The following SLC6A15 variants were observed in gnomAD, a reference collection of about 807,000 sequenced individuals.
The protein encoded by SLC6A15 is sodium-dependent neutral amino acid transporter B(0)AT2.
Under a neutral mutation model 68.5 loss-of-function variants are expected in SLC6A15, and 33 were observed. That is an observed-to-expected ratio of 0.48 (90% confidence interval 0.37 to 0.64). The LOEUF is 0.64. SLC6A15 is among the 30% of genes least tolerant of loss of function. The pLI is 0.00. For synonymous variants in SLC6A15, 347 were observed against 301.0 expected, an observed-to-expected ratio of 1.15 and a Z score of -1.58; for missense variants, 747 against 874.3, an observed-to-expected ratio of 0.85 and a Z score of 1.84.
At chr12:84,878,012 C>T (rs191238071) in intron 5 of SLC6A15, among the ~76,000 whole-genome samples, 5 of 152,142 alleles carry the variant, frequency 3.3e-5, no homozygotes, top group Non-Finnish European at 5.9e-5. Context: ...AGTGCCATAG[C>T]AGATGATGCT....
intron 10 of SLC6A15, among the ~76,000 whole-genome samples, chr12:84,866,254 T>A (rs1871059616): frequency 6.6e-6 from 1 of 152,152 alleles, no homozygotes; most frequent in Non-Finnish European, 1.5e-5. Context: ...CTATAAAAAG[T>A]ATTGGACAAA....
At chr12:84,907,880 G>A (rs1173850131) in intron 1 of SLC6A15, among the ~76,000 whole-genome samples, 2 of 152,104 alleles carry the variant, frequency 1.3e-5, no homozygotes. Context: ...CAATATACAT[G>A]ACTTAGATGA....
chr12:84,873,810 A>T (rs1871396882), intron 6 of SLC6A15, among the ~76,000 whole-genome samples: 1 of 152,218 alleles, frequency 6.6e-6, no homozygotes, highest in Admixed American at 6.5e-5. Flanking sequence ...AACTATTTGT[A>T]CTTTGCATAT....
At chr12:84,887,152 T>C (rs1425300167) in intron 2 of SLC6A15, among the ~76,000 whole-genome samples, 1 of 152,234 alleles carries the variant, frequency 6.6e-6, no homozygotes, top group African/African-American at 2.4e-5. Flanking sequence ...TTTTTTAATC[T>C]GCAGTTTTGT....
chr12:84,893,144 C>T (rs949674788), intron 1 of SLC6A15, among the ~76,000 whole-genome samples: 27 of 152,006 alleles, frequency 1.8e-4, no homozygotes, highest in African/African-American at 6.0e-4. Context: ...ATCAATGAAA[C>T]GTACAAAGCA....
intron 5 of SLC6A15, chr12:84,882,084 G>A: frequency 5.1e-6 from 5 of 985,310 alleles, no homozygotes; most frequent in Middle Eastern, 5.2e-4. Context: ...GATAAGAAAA[G>A]GATGAATAGT....
chr12:84,861,705 G>T lies in SLC6A15; in HGVS notation c.2120C>A (p.Ala707Asp), dbSNP rs1245360580. Reference sequence around the variant, plus strand: ...CCCTATTCCATACCGTCCATTGGGAGCAGTATCCAGAGTTGGGGATCCACT... The same window carrying T: ...CCCTATTCCATACCGTCCATTGGGATCAGTATCCAGAGTTGGGGATCCACT... ...KQSGSPTLDT[A>D]PNGRYGIGYL... Residue 707 changes from alanine to aspartate, a missense_variant, in exon 12 of 12, where the codon GCT (alanine) becomes GAT (aspartate). Physicochemically the swap from Ala to Asp is moderately radical, Grantham distance 126. Coordinates refer to ENST00000266682, the MANE Select transcript of SLC6A15 (RefSeq NM_182767.6). 6.2e-7 allele frequency: 1 copy of T among 1,613,926 alleles called. No homozygotes were observed. Among genetic ancestry groups the T allele is most frequent in the Admixed American group, 1.7e-5 (1 of 59,990 alleles).
intron 1 of SLC6A15, among the ~76,000 whole-genome samples, chr12:84,905,315 T>C (rs1446623012): frequency 1.3e-5 from 2 of 152,148 alleles, no homozygotes; most frequent in Non-Finnish European, 2.9e-5. Flanking sequence ...AAAAATCACA[T>C]GACTATATCT....
intron 1 of SLC6A15, among the ~76,000 whole-genome samples, chr12:84,903,871 G>A (rs1293990741): frequency 6.6e-6 from 1 of 151,996 alleles, no homozygotes; most frequent in Non-Finnish European, 1.5e-5. Flanking sequence ...TCTTTAGGAG[G>A]CATATACTAT....
At chr12:84,877,382 G>T (rs1263710217) in intron 5 of SLC6A15, among the ~76,000 whole-genome samples, 1 of 152,052 alleles carries the variant, frequency 6.6e-6, no homozygotes, top group Non-Finnish European at 1.5e-5. Flanking sequence ...CTGAATTGCT[G>T]GCTGCCCCTT....
chr12:84,888,208 G>C (rs1872210067), intron 2 of SLC6A15, among the ~76,000 whole-genome samples: 1 of 146,340 alleles, frequency 6.8e-6, no homozygotes, highest in Non-Finnish European at 1.5e-5. Context: ...AGGTTGCAGT[G>C]AGCTGAGATC....
chr12:84,871,913 G>A lies in SLC6A15; in HGVS notation c.1302+689C>T, dbSNP rs184616415. Among the ~76,000 whole-genome samples the A allele has an allele frequency of 8.2e-3, 1,251 of 152,238 alleles. 6 individuals are homozygous for A. The highest frequency in any genetic ancestry group is 0.014 in the Non-Finnish European group (930 of 68,020). On this transcript the variant is annotated intron_variant, in intron 8 of 11. Transcript: ENST00000266682. Reference sequence around the variant, plus strand: ...GAGGCCTGTAATCACAGCACTTTGGGAGGCCAAGGCGGGCAGATCATGAGG... The same window carrying A: ...GAGGCCTGTAATCACAGCACTTTGGAAGGCCAAGGCGGGCAGATCATGAGG...
chr12:84,883,606 C>CA lies in SLC6A15; in HGVS notation c.756+252dup. ...AAAAGAAAGGACTTTTAAGTATTCA[C>CA]AAAAATTTTAAAGATCTTGTTGAAA... On this transcript the variant is annotated intron_variant, in intron 5 of 11. Coordinates refer to ENST00000266682, the MANE Select transcript of SLC6A15 (RefSeq NM_182767.6). 2.9e-6 allele frequency: 4 copies of CA among 1,397,202 alleles called. No individual in the cohort carries two copies. The South Asian group carries it at 6.7e-5, about 23-fold the overall frequency. The allele number at this position is 1,397,202 out of a possible 1,614,324, so 86.6% of individuals were successfully genotyped here.
Position 84,891,972 on chromosome 12 carries a change from T to A in SLC6A15, c.149A>T (p.Asp50Val). Reference protein sequence around the residue: ...IVDGQEEKDTDVEEGSEVEDE... With the variant: ...IVDGQEEKDTVVEEGSEVEDE... The stretch of plus-strand genomic sequence containing the variant: ...TTCGACTTCAGATCCTTCTTCAACA[T>A]CTGTATCTTTCTCTTCCTGGCCATC... The change falls in exon 2 of 12, where the codon GAT becomes GTT. Residue 50 changes from aspartate to valine, a missense_variant. By Grantham distance (152) the Asp-to-Val change is radical. Coordinates refer to ENST00000266682, the MANE Select transcript of SLC6A15 (RefSeq NM_182767.6). 1.2e-6 allele frequency: 2 copies of A among 1,614,030 alleles called. No homozygotes were observed. Among genetic ancestry groups the A allele is most frequent in the Non-Finnish European group, 1.7e-6 (2 of 1,179,986 alleles).
chr12:84,890,835 T>C (rs967406685), intron 2 of SLC6A15, among the ~76,000 whole-genome samples: 2 of 152,178 alleles, frequency 1.3e-5, no homozygotes, highest in Non-Finnish European at 2.9e-5. Context: ...TCAATAAAAT[T>C]ATCACAAACT....
rs193287806 is a variant in SLC6A15 at position 84,878,925 on chromosome 12, C to T, written c.757-2318G>A. On this transcript the variant is annotated intron_variant, in intron 5 of 11. Coordinates refer to ENST00000266682, the MANE Select transcript of SLC6A15 (RefSeq NM_182767.6). ...CTTGCCTCCAGATTCTGTTAGCTTT[C>T]CTCTGCATCCCAGAAATCCATTTTT... is the stretch of plus-strand genomic sequence containing the variant. Among the ~76,000 whole-genome samples, 33 of 151,994 alleles carry T rather than the reference C, an allele frequency of 2.2e-4. 1 individual carries two copies. The South Asian group carries it at 2.9e-3, about 13-fold the overall frequency.
rs902085027 is a variant in SLC6A15, at chr12:84,860,993, C to A, written c.*639G>T. The A allele has an allele frequency of 3.9e-5, 6 of 152,232 alleles. No individual in the cohort carries two copies. The highest frequency in any genetic ancestry group is 1.4e-4 in the African/African-American group (6 of 41,564). The allele number at this position is 152,232 out of a possible 1,614,324, so 9.4% of individuals were successfully genotyped here. A position where few individuals can be genotyped will look rare whatever the true frequency, so the allele number is the denominator to read the frequency against. ...CATATATTTTACACAAAATATACAGCCATCACTCACATGATTCTCAGTCAC... is the reference window on the plus strand; with the variant it reads ...CATATATTTTACACAAAATATACAGACATCACTCACATGATTCTCAGTCAC... On this transcript the variant is annotated 3_prime_UTR_variant, in exon 12 of 12. Transcript: ENST00000266682.
In SLC6A15 at chr12:84,895,339, A is replaced by ATTTTTTTTTTTTT. The variant is rs67339994; in HGVS notation, c.-188-3044_-188-3032dup. 4.9e-3 allele frequency among the ~76,000 whole-genome samples: 266 copies of ATTTTTTTTTTTTT among 54,802 alleles called. 21 individuals carry two copies. The highest frequency in any genetic ancestry group is 0.019 in the Middle Eastern group (1 of 52). 36.0% of individuals were successfully genotyped at this position (54,802 alleles called of 152,430 possible). On this transcript the variant is annotated intron_variant, in intron 1 of 11. Transcript: ENST00000266682. ...CTTAGATGTTTTCATTTTTGTTTGT[A>ATTTTTTTTTTTTT]TTTTTTTTTTTTTTTTTTTTTTTTT...
At chr12:84,905,395 A>G (rs534815969) in intron 1 of SLC6A15, among the ~76,000 whole-genome samples, 4 of 152,330 alleles carry the variant, frequency 2.6e-5, no homozygotes, top group African/African-American at 7.2e-5. Flanking sequence ...GAACAGAAGG[A>G]AACTTTCTCA....
Sources: allele counts gnomAD v4.1 joint callset (sites outside exome capture counted in the v4.1 genomes callset), GRCh38; gene constraint gnomAD v4.1.1; transcripts MANE v1.5; gene names NCBI Gene and HGNC (gene_info 2026-07-23, HGNC 2026-07-21).